The following GPC6 variants were observed in gnomAD, a reference collection of about 807,000 sequenced individuals.
GPC6 encodes glypican-6.
Under a neutral mutation model 55.2 loss-of-function variants are expected in GPC6, and 14 were observed. The observed-to-expected ratio is 0.25, with a 90% confidence interval of 0.17 to 0.40. GPC6 has a LOEUF of 0.40. GPC6 is among the 10% of genes least tolerant of loss of function. GPC6 has a pLI of 1.00. For missense variants in GPC6, 641 were observed against 708.5 expected, an observed-to-expected ratio of 0.90 and a Z score of 1.08; for synonymous variants, 278 against 259.6, an observed-to-expected ratio of 1.07 and a Z score of -0.68.
chr13:93,592,443 G>C (rs1214198107), intron 2 of GPC6, among the ~76,000 whole-genome samples: 4 of 148,664 alleles, frequency 2.7e-5, no homozygotes, highest in Non-Finnish European at 5.9e-5. Flanking sequence ...TAGAGACGGG[G>C]TTTCACCGTG....
At chr13:93,231,439 A>G in intron 1 of GPC6, among the ~76,000 whole-genome samples, 1 of 130,682 alleles carries the variant, frequency 7.7e-6, no homozygotes, top group African/African-American at 2.8e-5. Flanking sequence ...ATATATATAT[A>G]TAGTCTGGTA....
intron 2 of GPC6, among the ~76,000 whole-genome samples, chr13:93,765,313 G>A (rs915142529): frequency 6.7e-6 from 1 of 150,198 alleles, no homozygotes; most frequent in African/African-American, 2.4e-5. Flanking sequence ...CAACTTATTT[G>A]GTTTAAGTAT....
intron 4 of GPC6, among the ~76,000 whole-genome samples, chr13:94,048,228 G>A (rs1268309704): frequency 6.6e-6 from 1 of 151,950 alleles, no homozygotes; most frequent in Non-Finnish European, 1.5e-5. Context: ...CCCATGACAA[G>A]GAAAACAGAT....
At chr13:94,008,316 T>A (rs1882101621) in intron 3 of GPC6, among the ~76,000 whole-genome samples, 1 of 152,188 alleles carries the variant, frequency 6.6e-6, no homozygotes, top group Non-Finnish European at 1.5e-5. Context: ...CTCCCTAAAA[T>A]AAATTTGAAA....
At chr13:93,371,268 ATCATAGAGTGTG>A (rs1327453314) in intron 1 of GPC6, among the ~76,000 whole-genome samples, 2 of 152,122 alleles carry the variant, frequency 1.3e-5, no homozygotes, top group Non-Finnish European at 2.9e-5. Flanking sequence ...TCCGGTAGGC[ATCATAGAGTGTG>A]TCACATACAC....
rs190245816 is a variant in GPC6 at position 93,480,423 on chromosome 13, A to G, written c.161-64840A>G. 2.5e-3 allele frequency among the ~76,000 whole-genome samples: 378 copies of G among 152,276 alleles called. 2 individuals are homozygous for G. Among genetic ancestry groups the G allele is most frequent in the African/African-American group, 8.6e-3 (359 of 41,566 alleles). ...TTGCAACAGAATTATTTATTTTGCTATTTTATAAGATGAGTTTAAAAACCA... is the reference window on the plus strand; with the variant it reads ...TTGCAACAGAATTATTTATTTTGCTGTTTTATAAGATGAGTTTAAAAACCA... On this transcript the variant is annotated intron_variant, in intron 1 of 8. Transcript: ENST00000377047.
intron 2 of GPC6, among the ~76,000 whole-genome samples, chr13:93,598,497 C>G (rs556982488): frequency 1.3e-5 from 2 of 152,102 alleles, no homozygotes; most frequent in Non-Finnish European, 2.9e-5. Flanking sequence ...AGTATTTTCA[C>G]GTACATTGTC....
chr13:94,189,083 G>A (rs961125188), intron 4 of GPC6, among the ~76,000 whole-genome samples: 3 of 152,114 alleles, frequency 2.0e-5, no homozygotes, highest in African/African-American at 7.2e-5. Flanking sequence ...GCTCTAACCT[G>A]TGGCTTCCTC....
chr13:94,103,031 A>C (rs1479213962), intron 4 of GPC6, among the ~76,000 whole-genome samples: 1 of 151,894 alleles, frequency 6.6e-6, no homozygotes, highest in African/African-American at 2.4e-5. Flanking sequence ...TGCTATCCCT[A>C]CCCACTCCCA....
intron 6 of GPC6, among the ~76,000 whole-genome samples, chr13:94,328,280 C>G (rs1226150324): frequency 6.6e-6 from 1 of 152,212 alleles, no homozygotes; most frequent in Non-Finnish European, 1.5e-5. Flanking sequence ...GCTAAGTGGA[C>G]TGCTACTGCT....
At chr13:93,223,411 A>G (rs9561280), upstream of GPC6, among the ~76,000 whole-genome samples, 29,289 of 151,866 alleles carry the variant, frequency 0.19, 2,917 homozygotes, top group East Asian at 0.3. Flanking sequence ...TCCTAATGAG[A>G]TGCAATCTTT....
chr13:94,260,240 A>C (rs1891618601), intron 4 of GPC6, among the ~76,000 whole-genome samples: 1 of 152,190 alleles, frequency 6.6e-6, no homozygotes, highest in African/African-American at 2.4e-5. Context: ...AGCTCAAAAA[A>C]GGGATTCCTA....
At position 93,377,259 on chromosome 13, in the gene GPC6, A is replaced by T. The variant is rs9561333; in HGVS notation, c.160+149643A>T. On this transcript the variant is annotated intron_variant, in intron 1 of 8. Coordinates refer to ENST00000377047, the MANE Select transcript of GPC6 (RefSeq NM_005708.5). ...ATCTCCCATGATGTCCTAAGACCAC[A>T]TCCGTATGAAAGTCCAAGAAGTCAG... Among the ~76,000 whole-genome samples, 1,969 of 152,306 alleles carry T rather than the reference A, an allele frequency of 0.013. 142 individuals are homozygous for T. The East Asian group carries it at 0.22, about 17-fold the overall frequency.
At chr13:93,839,177 C>A (rs924119341) in intron 3 of GPC6, among the ~76,000 whole-genome samples, 3 of 152,114 alleles carry the variant, frequency 2.0e-5, no homozygotes, top group African/African-American at 7.2e-5. Context: ...CGCAGGTTGA[C>A]TTGAGTGGTT....
chr13:93,881,790 G>C (rs1039297720), intron 3 of GPC6, among the ~76,000 whole-genome samples: 3 of 152,018 alleles, frequency 2.0e-5, no homozygotes, highest in Non-Finnish European at 4.4e-5. Context: ...GTTCATTCTA[G>C]CCTCAATGCC....
At chr13:93,542,505 G>T (rs933543705) in intron 1 of GPC6, among the ~76,000 whole-genome samples, 3 of 152,088 alleles carry the variant, frequency 2.0e-5, no homozygotes, top group Non-Finnish European at 4.4e-5. Context: ...TTGGTGATGC[G>T]GGCTCCTTTT....
At chr13:93,915,387 T>C (rs1877233273) in intron 3 of GPC6, among the ~76,000 whole-genome samples, 1 of 152,208 alleles carries the variant, frequency 6.6e-6, no homozygotes. Flanking sequence ...TGATAGGTAC[T>C]CTTTTCCCTG....
At chr13:94,364,415 C>T (rs1879200551) in intron 6 of GPC6, among the ~76,000 whole-genome samples, 1 of 152,098 alleles carries the variant, frequency 6.6e-6, no homozygotes, top group Non-Finnish European at 1.5e-5. Context: ...TTTACCTCAC[C>T]GGGGTAAGAA....
chr13:94,025,534 C>G (rs1882865230), intron 3 of GPC6: 1 of 151,922 alleles, frequency 6.6e-6, no homozygotes, highest in African/African-American at 2.4e-5. Context: ...CTAACCTGGC[C>G]CAACCCTCCT....
Sources: gnomAD v4.1 joint callset for allele counts (sites outside exome capture counted in the v4.1 genomes callset) on GRCh38, gnomAD v4.1.1 for gene constraint, MANE v1.5 for transcripts, NCBI Gene and HGNC (gene_info 2026-07-23, HGNC 2026-07-21) for gene names.